Variants in ELN observed in about 807,000 individuals in gnomAD.
ELN encodes elastin, also known as tropoelastin.
A neutral mutation model predicts 105.8 loss-of-function variants in ELN; 65 were observed. The ratio of observed to expected loss-of-function variants is 0.61; its 90% CI spans 0.50 to 0.75. ELN has a LOEUF of 0.75. Among genes scored for constraint, ELN ranks in the 30% least tolerant of loss-of-function variants. The pLI, the probability that ELN is intolerant of heterozygous loss-of-function variation, is 0.00. For synonymous variants in ELN, 368 were observed against 389.2 expected (o/e 0.95, Z 0.64); for missense variants, 882 against 969.4 (o/e 0.91, Z 1.20).
intron 25 of ELN, 70 bp from the exon 26 acceptor site, chr7:74,061,031 G>C: frequency 6.3e-7 from 1 of 1,591,970 alleles, no homozygotes; most frequent in Non-Finnish European, 8.6e-7. Context: ...GGGCTCTCTA[G>C]AGGAGGCGGC....
intron 17 of ELN, 110 bp downstream of exon 17, chr7:74,052,093 A>C: frequency 8.2e-7 from 1 of 1,214,236 alleles, no homozygotes. Context: ...CCAAATATGC[A>C]TTGTTCATGC....
chr7:74,058,045 G>GTGCTCCTCTTCCTTCTTCTTCTTC (rs1795710848), intron 22 of ELN, among the ~76,000 whole-genome samples: 2 of 150,288 alleles, frequency 1.3e-5, no homozygotes, highest in East Asian at 4.0e-4. Flanking sequence ...TCTTCTTCTT[G>GTGCTCCTCTTCCTTCTTCTTCTTC]TGCTCCTCTT....
intron 19 of ELN, 129 bp downstream of exon 19, chr7:74,054,898 G>T (rs1794912060): frequency 3.0e-6 from 3 of 985,058 alleles, no homozygotes; most frequent in Non-Finnish European, 4.8e-6. Context: ...GTCACCAGCA[G>T]GCCTCAGGAC....
intron 17 of ELN, 145 bp downstream of exon 17, chr7:74,052,128 C>A: frequency 1.1e-6 from 1 of 890,794 alleles, no homozygotes; most frequent in Non-Finnish European, 1.7e-6. Flanking sequence ...CCCTTCTGAT[C>A]ACTCTACCTG....
chr7:74,041,801 T>A (rs1292681154), intron 5 of ELN, among the ~76,000 whole-genome samples: 1 of 152,122 alleles, frequency 6.6e-6, no homozygotes. Context: ...CCTGGTGCAG[T>A]TGATCTCAGC....
intron 4 of ELN, chr7:74,038,133 T>A: frequency 3.0e-6 from 1 of 334,652 alleles, no homozygotes; most frequent in East Asian, 7.5e-5. Flanking sequence ...ACACAGATCC[T>A]CAGCCCCAGA....
chr7:74,055,209 G>A (rs1175535771), intron 19 of ELN, among the ~76,000 whole-genome samples: 1 of 152,230 alleles, frequency 6.6e-6, no homozygotes, highest in African/African-American at 2.4e-5. Context: ...GGAGACCAAG[G>A]TAGGAGGATT....
rs1795241124 is a variant in ELN, at chr7:74,056,430, T to C, written c.1310T>C (p.Ile437Thr). ...PGVGGVPGVG[I>T]SPEAQAAAAA... The stretch of plus-strand genomic sequence containing the variant: ...GTCGGAGGTGTCCCGGGAGTTGGCA[T>C]TTCCCGTGAGCCTTAGTCACACCTG... Residue 437 changes from isoleucine to threonine, a missense_variant, in exon 20 of 33, where the codon ATT (isoleucine) becomes ACT (threonine). Ile to Thr is a moderately conservative substitution (Grantham distance 89, BLOSUM62 -1). Transcript: ENST00000252034. The C allele has an allele frequency of 6.2e-7, 1 of 1,613,498 alleles. No homozygotes were observed. The highest frequency in any genetic ancestry group is 8.5e-7 in the Non-Finnish European group (1 of 1,179,736).
In ELN at chr7:74,063,549, C is replaced by A; in HGVS notation, c.1919-72C>A. ...CACCTGTGTCCCCAGAGGACACCTCCGCCCTCCACAGGCCGAGGCTTCAGT... is the reference window on the plus strand; with the variant it reads ...CACCTGTGTCCCCAGAGGACACCTCAGCCCTCCACAGGCCGAGGCTTCAGT... On this transcript the variant is annotated intron_variant, in intron 28 of 32. Coordinates refer to ENST00000252034, the MANE Select transcript of ELN (RefSeq NM_000501.4). This position sits in a 1 kb window ranked among gnomAD's most constrained non-coding sequence, Gnocchi z 4.1. 6.2e-7 allele frequency: 1 copy of A among 1,611,116 alleles called. No homozygotes were observed.
intron 11 of ELN, 46 bp from the exon 12 acceptor site, chr7:74,046,650 T>C (rs1475619016): frequency 6.2e-7 from 1 of 1,607,866 alleles, no homozygotes; most frequent in Non-Finnish European, 8.5e-7. Context: ...GCGGAGGGTT[T>C]GGAAGGGGGT....
At chr7:74,065,262 TG>T (rs1274921265) in intron 29 of ELN, among the ~76,000 whole-genome samples, 1 of 149,444 alleles carries the variant, frequency 6.7e-6, no homozygotes, top group Non-Finnish European at 1.5e-5. Context: ...GAAGGAGAGA[TG>T]GGGGGATAGA....
rs75339802 is a variant in ELN, at chr7:74,046,549, C to T, written c.572-147C>T. 8.8e-5 allele frequency: 74 copies of T among 843,614 alleles called. No individual in the cohort carries two copies. In the African/African-American group the frequency reaches 1.2e-3, roughly 13 times the overall value. 52.3% of individuals were successfully genotyped at this position (843,614 alleles called of 1,614,324 possible). ...GTCACTGGGAATTTCTCAACTGACC[C>T]ATGATGGAGATTCAGGGAGTCCCTC... On this transcript the variant is annotated intron_variant, in intron 11 of 32. Coordinates refer to ENST00000252034, the MANE Select transcript of ELN (RefSeq NM_000501.4).
intron 15 of ELN, among the ~76,000 whole-genome samples, chr7:74,051,412 G>A (rs1563817478): frequency 6.6e-6 from 1 of 152,186 alleles, no homozygotes; most frequent in Non-Finnish European, 1.5e-5. Context: ...CTGCATCTTC[G>A]GAACACAGGG....
rs1287232890 is a variant in ELN, at chr7:74,063,113, T to C, written c.1787-40T>C. 2 of 1,576,780 alleles carry C rather than the reference T, an allele frequency of 1.3e-6. No individual in the cohort carries two copies. Among genetic ancestry groups the C allele is most frequent in the African/African-American group, 1.3e-5 (1 of 74,462 alleles). Reference sequence around the variant, plus strand: ...GTCCCTGGGGCAGGGAGACCCATCGTTCAGAAATGGAACACTCATTTTCCC... The same window carrying C: ...GTCCCTGGGGCAGGGAGACCCATCGCTCAGAAATGGAACACTCATTTTCCC... On this transcript the variant is annotated intron_variant, in intron 26 of 32. Coordinates refer to ENST00000252034, the MANE Select transcript of ELN (RefSeq NM_000501.4). The surrounding 1 kb of genome is among the most constrained non-coding windows in gnomAD (Gnocchi z 4.1).
At position 74,054,779 on chromosome 7, in the gene ELN, A is replaced by C. The variant is rs1554678565; in HGVS notation, c.1150+10A>C. Reference sequence around the variant, plus strand: ...AAGGCAGCCAAATACGGTGAGTGCTATGCTGACAGCTCTGCCCCACCCTGT... The same window carrying C: ...AAGGCAGCCAAATACGGTGAGTGCTCTGCTGACAGCTCTGCCCCACCCTGT... On this transcript the variant is annotated intron_variant, in intron 19 of 32. Transcript: ENST00000252034. The C allele has an allele frequency of 6.2e-7, 1 of 1,613,940 alleles. No homozygotes were observed. The highest frequency in any genetic ancestry group is 1.3e-5 in the African/African-American group (1 of 75,056).
chr7:74,057,372 A>G lies in ELN; in HGVS notation c.1358-268A>G, dbSNP rs374066807. 1.6e-4 allele frequency: 235 copies of G among 1,487,478 alleles called. No homozygotes were observed. The African/African-American group carries it at 3.1e-3, about 20-fold the overall frequency. 92.1% of individuals were successfully genotyped at this position (1,487,478 alleles called of 1,614,324 possible). On this transcript the variant is annotated intron_variant, in intron 21 of 32. Transcript: ENST00000252034. ...GGAGGGGCAAGGCTGAAAGTTCTCC[A>G]CTCCCCGAGGTGCTGCAGGAGCAGG... is the stretch of plus-strand genomic sequence containing the variant.
At chr7:74,054,624 C>G in intron 18 of ELN, 92 bp from the exon 19 acceptor site, 1 of 1,319,522 alleles carries the variant, frequency 7.6e-7, no homozygotes, top group Admixed American at 1.7e-5. Context: ...AAGGAGATGG[C>G]CCAACACACA....
intron 18 of ELN, among the ~76,000 whole-genome samples, chr7:74,053,820 G>T (rs1308668324): frequency 6.6e-6 from 1 of 151,328 alleles, no homozygotes; most frequent in Non-Finnish European, 1.5e-5. Flanking sequence ...GGGTAGGTGA[G>T]TGGATGTGTG....
chr7:74,043,951 T>C (rs1401947565), intron 9 of ELN, 31 bp downstream of exon 9: 3 of 1,613,488 alleles, frequency 1.9e-6, no homozygotes, highest in Non-Finnish European at 2.5e-6. Context: ...AGGGACTCTA[T>C]AGGAAGAAAG....
Sources: allele counts gnomAD v4.1 joint callset (sites outside exome capture counted in the v4.1 genomes callset), GRCh38; gene constraint gnomAD v4.1.1; non-coding constraint Gnocchi (gnomAD v3.1); transcripts MANE v1.5; gene names NCBI Gene and HGNC (gene_info 2026-07-23, HGNC 2026-07-21).